Variants in RRAGD observed in about 807,000 individuals in gnomAD.
RRAGD encodes ras-related GTP-binding protein D.
A neutral mutation model predicts 35.5 loss-of-function variants in RRAGD; 12 were observed. That is an observed-to-expected ratio of 0.34 (90% CI 0.22 to 0.55). The LOEUF (loss-of-function observed/expected upper bound fraction) is 0.55, where lower values mean the gene tolerates loss of function less well. RRAGD is among the 20% of genes least tolerant of loss of function. RRAGD has a pLI of 0.91. For synonymous variants in RRAGD, 155 were observed against 178.9 expected (o/e 0.87, Z 1.07); for missense variants, 324 against 490.1 (o/e 0.66, Z 3.20).
At chr6:89,406,301 C>T (rs1315027592) in intron 1 of RRAGD, among the ~76,000 whole-genome samples, 1 of 152,150 alleles carries the variant, frequency 6.6e-6, no homozygotes, top group Non-Finnish European at 1.5e-5. Context: ...TGCACCCCCA[C>T]AGGCCTAGGT....
At chr6:89,408,072 C>T (rs1769618962) in intron 1 of RRAGD, among the ~76,000 whole-genome samples, 1 of 152,272 alleles carries the variant, frequency 6.6e-6, no homozygotes, top group South Asian at 2.1e-4. Flanking sequence ...TTCATCTGTT[C>T]CAACTCTTCT....
chr6:89,380,135 T>G, intron 3 of RRAGD, 33 bp downstream of exon 3: 2 of 1,598,390 alleles, frequency 1.3e-6, no homozygotes, highest in Non-Finnish European at 1.7e-6. Flanking sequence ...CTTCCATCCT[T>G]TATTGGGATC....
At chr6:89,379,962 A>G (rs1769013837) in intron 3 of RRAGD, among the ~76,000 whole-genome samples, 1 of 152,230 alleles carries the variant, frequency 6.6e-6, no homozygotes, top group Non-Finnish European at 1.5e-5. Context: ...ACCATTTGTT[A>G]AAAAACAAAA....
intron 5 of RRAGD, among the ~76,000 whole-genome samples, chr6:89,376,039 T>C (rs908872007): frequency 2.0e-5 from 3 of 152,218 alleles, no homozygotes; most frequent in African/African-American, 7.2e-5. Context: ...CAATCTGCAC[T>C]GTAATCAGGG....
chr6:89,371,867 TA>T (rs981686498), intron 6 of RRAGD, among the ~76,000 whole-genome samples: 4 of 152,202 alleles, frequency 2.6e-5, no homozygotes, highest in Admixed American at 1.3e-4. Context: ...AATTTGATCC[TA>T]AAAAAAATTT....
intron 1 of RRAGD, among the ~76,000 whole-genome samples, chr6:89,388,798 G>A (rs569457019): frequency 6.6e-6 from 1 of 152,242 alleles, no homozygotes; most frequent in Admixed American, 6.5e-5. Flanking sequence ...AGAATCAATG[G>A]GAGCCCTGAG....
intron 1 of RRAGD, among the ~76,000 whole-genome samples, chr6:89,389,779 G>T (rs1769199653): frequency 6.6e-6 from 1 of 152,122 alleles, no homozygotes; most frequent in African/African-American, 2.4e-5. Flanking sequence ...TGTGAAGTCA[G>T]CAAGACTTGG....
Position 89,406,722 on chromosome 6 carries a change from G to A in RRAGD, c.148+5124C>T, listed in dbSNP as rs578220677. 9.9e-5 allele frequency among the ~76,000 whole-genome samples: 15 copies of A among 152,268 alleles called. No individual in the cohort carries two copies. The South Asian group carries it at 2.3e-3, about 23-fold the overall frequency. ...AGAACCCAGGATACAGAAAGCACTC[G>A]GTCCTTGCAACAAGGTAGAGGGTCT... On this transcript the variant is annotated intron_variant, in intron 1 of 6. Coordinates refer to ENST00000369415, the MANE Select transcript of RRAGD (RefSeq NM_021244.5).
chr6:89,405,616 C>T (rs950915651), intron 1 of RRAGD, among the ~76,000 whole-genome samples: 1 of 152,080 alleles, frequency 6.6e-6, no homozygotes, highest in African/African-American at 2.4e-5. Flanking sequence ...CACTCCCCTT[C>T]TTTTTTCCCA....
In RRAGD at chr6:89,364,944, T is replaced by C. The variant is rs1201361282; in HGVS notation, c.*3112A>G. ...GCTTAACAATGGTTATTAAGTGATG[T>C]ACTGCTTAAAGTAAAACATGGACTA... On this transcript the variant is annotated 3_prime_UTR_variant, in exon 7 of 7. Transcript: ENST00000369415. 1 of 152,260 alleles carries C rather than the reference T, an allele frequency of 6.6e-6. No homozygotes were observed. The highest frequency in any genetic ancestry group is 6.5e-5 in the Admixed American group (1 of 15,294). 9.4% of individuals were successfully genotyped at this position (152,260 alleles called of 1,614,324 possible).
At chr6:89,397,684 G>A (rs1769366206) in intron 1 of RRAGD, among the ~76,000 whole-genome samples, 1 of 151,808 alleles carries the variant, frequency 6.6e-6, no homozygotes, top group Non-Finnish European at 1.5e-5. Context: ...CACAAATTGT[G>A]ATGCATCTCA....
At chr6:89,383,312 A>G (rs1304585437) in intron 2 of RRAGD, among the ~76,000 whole-genome samples, 4 of 152,190 alleles carry the variant, frequency 2.6e-5, no homozygotes, top group Admixed American at 2.6e-4. Flanking sequence ...AAGATTGGAA[A>G]TTGCTACTCT....
At chr6:89,405,146 C>T (rs1769552147) in intron 1 of RRAGD, among the ~76,000 whole-genome samples, 1 of 151,768 alleles carries the variant, frequency 6.6e-6, no homozygotes, top group Non-Finnish European at 1.5e-5. Context: ...GTCAGGAGAT[C>T]GAGATCATCC....
rs775649043 is a variant in RRAGD at position 89,412,038 on chromosome 6, G to A, written c.-45C>T. 9.9e-6 allele frequency: 15 copies of A among 1,509,034 alleles called. No homozygotes were observed. Among genetic ancestry groups the A allele is most frequent in the African/African-American group, 1.4e-5 (1 of 70,620 alleles). 93.5% of individuals were successfully genotyped at this position (1,509,034 alleles called of 1,614,324 possible). On this transcript the variant is annotated 5_prime_UTR_variant, in exon 1 of 7. Transcript: ENST00000369415. The surrounding 1 kb of genome is among the most constrained non-coding windows in gnomAD (Gnocchi z 4.2). The stretch of plus-strand genomic sequence containing the variant: ...GCCCGGGGACGGCGGGGGTCCCGGG[G>A]TGGGGGCCAAGCCTCCTAGCCGGCC...
At chr6:89,395,044 C>T (rs1769306992) in intron 1 of RRAGD, among the ~76,000 whole-genome samples, 1 of 152,004 alleles carries the variant, frequency 6.6e-6, no homozygotes, top group Admixed American at 6.6e-5. Flanking sequence ...ATCACTTGAG[C>T]CCAAGAGTTT....
In RRAGD at chr6:89,396,381, GA is replaced by G. The variant is rs1347173380; in HGVS notation, c.149-8792del. Among the ~76,000 whole-genome samples the G allele has an allele frequency of 1.1e-4, 16 of 150,156 alleles. 1 individual carries two copies. ...GGGACTTGTATGCAGAATATATGAA[GA>G]ACTCTCAAAACTTATTAATAAGAAA... On this transcript the variant is annotated intron_variant, in intron 1 of 6. Transcript: ENST00000369415.
chr6:89,386,234 G>A (rs1436478745), intron 2 of RRAGD, among the ~76,000 whole-genome samples: 2 of 152,308 alleles, frequency 1.3e-5, no homozygotes, highest in African/African-American at 4.8e-5. Context: ...CCCCAGACAT[G>A]GATAGTTTGG....
In RRAGD at chr6:89,377,741, C is replaced by G; in HGVS notation, c.832G>C (p.Val278Leu). 6 of 1,612,270 alleles carry G rather than the reference C, an allele frequency of 3.7e-6. No individual in the cohort carries two copies. Among genetic ancestry groups the G allele is most frequent in the Non-Finnish European group, 2.5e-6 (3 of 1,179,060 alleles). The part of the protein sequence containing the change: ...KIYIATDSTP[V>L]DMQTYELCCD... Reference sequence around the variant, plus strand: ...CAGAGCTCATAGGTTTGCATATCCACCGGAGTACTATCAGTTGCAATATAA... The same window carrying G: ...CAGAGCTCATAGGTTTGCATATCCAGCGGAGTACTATCAGTTGCAATATAA... The change falls in exon 5 of 7, where the codon GTG (valine) becomes CTG (leucine). Residue 278 changes from valine to leucine, a missense_variant. Coordinates refer to ENST00000369415, the MANE Select transcript of RRAGD (RefSeq NM_021244.5).
intron 1 of RRAGD, among the ~76,000 whole-genome samples, chr6:89,387,925 G>C (rs529305678): frequency 1.3e-5 from 2 of 152,112 alleles, no homozygotes; most frequent in Non-Finnish European, 2.9e-5. Flanking sequence ...AGCGTGAAGA[G>C]AGATTTATTT....
Sources: gnomAD v4.1 joint callset for allele counts (sites outside exome capture counted in the v4.1 genomes callset) on GRCh38, gnomAD v4.1.1 for gene constraint, Gnocchi (gnomAD v3.1) non-coding constraint, MANE v1.5 for transcripts, NCBI Gene and HGNC (gene_info 2026-07-23, HGNC 2026-07-21) for gene names.